Variants in SYN3 observed in about 807,000 individuals in gnomAD.
SYN3 encodes synapsin III.
SYN3 carries 35 observed loss-of-function variants against 65.8 expected under a neutral mutation model. The ratio of observed to expected loss-of-function variants is 0.53; its 90% CI spans 0.41 to 0.70. The LOEUF (loss-of-function observed/expected upper bound fraction) is 0.70, where lower values mean the gene tolerates loss of function less well. Among genes scored for constraint, SYN3 ranks in the 30% least tolerant of loss-of-function variants. The pLI is 0.00. For missense variants in SYN3, 680 were observed against 749.0 expected, an observed-to-expected ratio of 0.91 and a Z score of 1.08; for synonymous variants, 270 against 292.9, an observed-to-expected ratio of 0.92 and a Z score of 0.80.
intron 6 of SYN3, among the ~76,000 whole-genome samples, chr22:32,625,441 C>T (rs1032125331): frequency 1.3e-5 from 2 of 152,182 alleles, no homozygotes; most frequent in African/African-American, 2.4e-5. Flanking sequence ...GGCTTTGGTC[C>T]TTTGCTGGCC....
At chr22:32,570,098 T>C (rs2058738753) in intron 7 of SYN3, among the ~76,000 whole-genome samples, 1 of 152,188 alleles carries the variant, frequency 6.6e-6, no homozygotes, top group African/African-American at 2.4e-5. Context: ...GCTGGACTTA[T>C]CTTGCTCATG....
intron 6 of SYN3, among the ~76,000 whole-genome samples, chr22:32,627,443 G>A (rs552781327): frequency 1.4e-4 from 22 of 151,972 alleles, no homozygotes; most frequent in Non-Finnish European, 1.0e-4. Flanking sequence ...GCACACTCAC[G>A]GCAGGTCACA....
chr22:32,760,596 T>C (rs1263527196), intron 6 of SYN3, among the ~76,000 whole-genome samples: 4 of 151,954 alleles, frequency 2.6e-5, no homozygotes, highest in Non-Finnish European at 4.4e-5. Flanking sequence ...TGGGCAGAGC[T>C]CACATCACAC....
intron 2 of SYN3, among the ~76,000 whole-genome samples, chr22:32,987,622 A>G (rs1000323263): frequency 6.6e-6 from 1 of 152,172 alleles, no homozygotes; most frequent in African/African-American, 2.4e-5. Flanking sequence ...GGATCTGCGG[A>G]GGCAAAAAAC....
At chr22:32,880,366 AG>A (rs2049096458) in intron 4 of SYN3, among the ~76,000 whole-genome samples, 1 of 152,150 alleles carries the variant, frequency 6.6e-6, no homozygotes, top group African/African-American at 2.4e-5. Flanking sequence ...TGGTAGCTCA[AG>A]GAAGGGGAAG....
chr22:33,026,781 A>G (rs1035635159), intron 1 of SYN3, among the ~76,000 whole-genome samples: 2 of 152,200 alleles, frequency 1.3e-5, no homozygotes, highest in African/African-American at 4.8e-5. Context: ...TTCCAGAATC[A>G]GAGCTGAAAA....
At chr22:32,803,649 C>T (rs1298987353) in intron 6 of SYN3, among the ~76,000 whole-genome samples, 1 of 152,182 alleles carries the variant, frequency 6.6e-6, no homozygotes, top group Non-Finnish European at 1.5e-5. Context: ...TTCCACTTAC[C>T]CTTTCCCTCC....
chr22:32,778,705 AT>A (rs1369892581), intron 6 of SYN3, among the ~76,000 whole-genome samples: 3 of 152,214 alleles, frequency 2.0e-5, no homozygotes, highest in Non-Finnish European at 4.4e-5. Context: ...TAGGACTTGC[AT>A]TTAACTGCAG....
At chr22:32,864,748 C>T in intron 6 of SYN3, 167 bp downstream of exon 6, 1 of 614,648 alleles carries the variant, frequency 1.6e-6, no homozygotes, top group East Asian at 2.7e-5. Flanking sequence ...GACGACTTCC[C>T]TTAGGAAATC....
chr22:32,941,631 G>A lies in SYN3; in HGVS notation c.370-10150C>T, dbSNP rs982425896. ...ACAGTCGGTGCAGCCCACCGAGCGAGAGCCAAAGCAGGGCGAGGCATCGCC... is the reference window on the plus strand; with the variant it reads ...ACAGTCGGTGCAGCCCACCGAGCGAAAGCCAAAGCAGGGCGAGGCATCGCC... On this transcript the variant is annotated intron_variant, in intron 3 of 13. Coordinates refer to ENST00000358763, the MANE Select transcript of SYN3 (RefSeq NM_003490.4). Among the ~76,000 whole-genome samples the A allele has an allele frequency of 4.6e-5, 7 of 152,260 alleles. 1 individual carries two copies. In the South Asian group the frequency reaches 1.5e-3, roughly 32 times the overall value.
At chr22:32,758,322 A>T (rs1341189327) in intron 6 of SYN3, among the ~76,000 whole-genome samples, 1 of 152,006 alleles carries the variant, frequency 6.6e-6, no homozygotes, top group Non-Finnish European at 1.5e-5. Flanking sequence ...GGTTAATACT[A>T]AGTGTCAACT....
chr22:32,741,634 C>T (rs979360814), intron 6 of SYN3, among the ~76,000 whole-genome samples: 2 of 151,958 alleles, frequency 1.3e-5, no homozygotes, highest in Admixed American at 6.6e-5. Context: ...GGATTACATG[C>T]GTGAGCCATC....
chr22:32,752,713 C>T (rs2045167407), intron 6 of SYN3, among the ~76,000 whole-genome samples: 1 of 152,182 alleles, frequency 6.6e-6, no homozygotes, highest in Non-Finnish European at 1.5e-5. Flanking sequence ...CGGCCAGTCA[C>T]CTAACCTCCT....
chr22:32,949,022 A>C (rs1205107895), intron 3 of SYN3, among the ~76,000 whole-genome samples: 1 of 152,150 alleles, frequency 6.6e-6, no homozygotes, highest in Non-Finnish European at 1.5e-5. Flanking sequence ...AAATATTTGC[A>C]GTATATATAC....
chr22:32,845,717 C>G (rs2048041947), intron 6 of SYN3, among the ~76,000 whole-genome samples: 1 of 152,080 alleles, frequency 6.6e-6, no homozygotes, highest in African/African-American at 2.4e-5. Flanking sequence ...CCAGCCTGGC[C>G]CATCTGTAAA....
At chr22:32,599,543 G>A (rs1022065226) in intron 6 of SYN3, among the ~76,000 whole-genome samples, 13 of 151,788 alleles carry the variant, frequency 8.6e-5, no homozygotes, top group Admixed American at 6.6e-5. Flanking sequence ...GGATGGTCTC[G>A]ATCTCCTGAC....
chr22:32,517,497 C>T (rs929398127), intron 13 of SYN3, among the ~76,000 whole-genome samples: 15 of 151,968 alleles, frequency 9.9e-5, no homozygotes, highest in Admixed American at 7.2e-4. Context: ...CCAGATTTAG[C>T]GAATAAAAAT....
chr22:32,606,164 C>T (rs2059369205), intron 6 of SYN3, among the ~76,000 whole-genome samples: 1 of 152,192 alleles, frequency 6.6e-6, no homozygotes, highest in Non-Finnish European at 1.5e-5. Context: ...AAGTGGGGGC[C>T]ATGGGATGTC....
intron 6 of SYN3, among the ~76,000 whole-genome samples, chr22:32,615,833 A>AGGAGGTCTTCCTG (rs2059511668): frequency 1.3e-5 from 2 of 152,200 alleles, no homozygotes; most frequent in Admixed American, 1.3e-4. Flanking sequence ...GCTGGGCCAG[A>AGGAGGTCTTCCTG]GGAGGTCTTC....
Sources: gnomAD v4.1 joint callset for allele counts (sites outside exome capture counted in the v4.1 genomes callset) on GRCh38, gnomAD v4.1.1 for gene constraint, MANE v1.5 for transcripts, NCBI Gene and HGNC (gene_info 2026-07-23, HGNC 2026-07-21) for gene names.